CCDC91: variants seen among roughly 807,000 people sequenced by gnomAD.
The protein encoded by CCDC91 is coiled-coil domain-containing protein 91.
Under a neutral mutation model 63.2 loss-of-function variants are expected in CCDC91, and 48 were observed. The ratio of observed to expected loss-of-function variants is 0.76; its 90% confidence interval spans 0.60 to 0.97. CCDC91 has a LOEUF of 0.97. Ranked by LOEUF, CCDC91 falls within the 50% of genes least tolerant of loss-of-function variation. CCDC91 has a pLI of 0.00. For synonymous variants in CCDC91, 167 were observed against 165.8 expected (o/e 1.01, Z -0.06); for missense variants, 500 against 494.6 (o/e 1.01, Z -0.10).
Position 28,245,910 on chromosome 12 carries a change from G to A in CCDC91, c.-14-11292G>A, listed in dbSNP as rs150217074. On this transcript the variant is annotated intron_variant, in intron 1 of 12. Coordinates refer to ENST00000536442, the MANE Select transcript of CCDC91 (RefSeq NM_018318.5). The stretch of plus-strand genomic sequence containing the variant: ...TACAACCCAATTATTTTACTCATAG[G>A]CATATACTCAAGGGAAGTTCTGTGT... 7.6e-4 allele frequency among the ~76,000 whole-genome samples: 115 copies of A among 152,164 alleles called. 1 individual carries two copies. The East Asian group carries it at 0.015, about 20-fold the overall frequency.
At chr12:28,224,953 C>T (rs1944178294) in intron 1 of CCDC91, among the ~76,000 whole-genome samples, 1 of 152,060 alleles carries the variant, frequency 6.6e-6, no homozygotes, top group Admixed American at 6.5e-5. Flanking sequence ...GATCATCTCT[C>T]CTAACTTACT....
intron 8 of CCDC91, among the ~76,000 whole-genome samples, chr12:28,399,994 C>T (rs567488997): frequency 2.0e-5 from 3 of 152,334 alleles, no homozygotes; most frequent in South Asian, 2.1e-4. Flanking sequence ...TAGCCCTCTT[C>T]TCACAGTTCT....
chr12:28,519,494 TCA>T (rs1343983068), intron 12 of CCDC91, among the ~76,000 whole-genome samples: 1 of 152,016 alleles, frequency 6.6e-6, no homozygotes, highest in Non-Finnish European at 1.5e-5. Flanking sequence ...AAACAGGTCA[TCA>T]GCAAACAGTG....
rs1940124591 is a variant in CCDC91, at chr12:28,318,367, A to G, written c.576+10618A>G. Among the ~76,000 whole-genome samples the G allele has an allele frequency of 2.0e-5, 3 of 151,570 alleles. No individual in the cohort carries two copies. The South Asian group carries it at 6.2e-4, about 32-fold the overall frequency. ...GTGAGACCCCATTTCTCAAGAAAAAAAAAAAGAAACCAAAAAACGAAATTA... is the reference window on the plus strand; with the variant it reads ...GTGAGACCCCATTTCTCAAGAAAAAGAAAAAGAAACCAAAAAACGAAATTA... On this transcript the variant is annotated intron_variant, in intron 6 of 12. Coordinates refer to ENST00000536442, the MANE Select transcript of CCDC91 (RefSeq NM_018318.5).
intron 6 of CCDC91, among the ~76,000 whole-genome samples, chr12:28,308,294 C>T (rs1938958141): frequency 6.6e-6 from 1 of 151,992 alleles, no homozygotes; most frequent in African/African-American, 2.4e-5. Flanking sequence ...AGGTTTCAAC[C>T]ATTTATCATC....
intron 12 of CCDC91, among the ~76,000 whole-genome samples, chr12:28,509,182 C>G (rs1939091766): frequency 6.6e-6 from 1 of 151,894 alleles, no homozygotes; most frequent in Admixed American, 6.6e-5. Context: ...GAGAATGTTC[C>G]CATATCAATA....
Position 28,362,441 on chromosome 12 carries a change from A to C in CCDC91, c.580A>C (p.Lys194Gln), listed in dbSNP as rs761355361. ...TTTAGTTTCTTTTTTCTTTCAGGAA[A>C]AACATAAACAAGAATTGGAAGACAT... ...FQDRYKELQE[K>Q]HKQELEDMRK... The change falls in exon 7 of 13, where the codon AAA becomes CAA. Residue 194 changes from lysine (K) to glutamine (Q), a missense_variant. Transcript: ENST00000536442. The C allele has an allele frequency of 5.7e-6, 9 of 1,572,598 alleles. No homozygotes were observed. The highest frequency in any genetic ancestry group is 1.9e-5 in the Admixed American group (1 of 53,374).
chr12:28,290,202 G>A (rs754743370), intron 3 of CCDC91, among the ~76,000 whole-genome samples: 30 of 152,040 alleles, frequency 2.0e-4, no homozygotes, highest in African/African-American at 2.4e-4. Flanking sequence ...TGTGTTGGTC[G>A]CATATACATT....
chr12:28,503,967 G>A (rs1407777705), intron 12 of CCDC91, among the ~76,000 whole-genome samples: 2 of 151,892 alleles, frequency 1.3e-5, no homozygotes, highest in East Asian at 1.9e-4. Flanking sequence ...GATAGCATTC[G>A]GAGATATACC....
intron 12 of CCDC91, among the ~76,000 whole-genome samples, chr12:28,520,004 C>G (rs577808140): frequency 1.3e-5 from 2 of 151,954 alleles, no homozygotes; most frequent in Non-Finnish European, 2.9e-5. Context: ...CCAAGTCTTT[C>G]CTATTGTGAA....
At chr12:28,332,371 A>G (rs1205042703) in intron 6 of CCDC91, among the ~76,000 whole-genome samples, 1 of 152,200 alleles carries the variant, frequency 6.6e-6, no homozygotes, top group Non-Finnish European at 1.5e-5. Context: ...TAAGGAAGAT[A>G]TTGAAAATCC....
chr12:28,200,984 G>A (rs1942216896), intron 1 of CCDC91, among the ~76,000 whole-genome samples: 3 of 138,216 alleles, frequency 2.2e-5, no homozygotes, highest in Admixed American at 6.8e-5. Context: ...CGGACGGGGC[G>A]GCTGGCCGGG....
At chr12:28,513,577 C>G (rs1468992329) in intron 12 of CCDC91, among the ~76,000 whole-genome samples, 1 of 151,838 alleles carries the variant, frequency 6.6e-6, no homozygotes, top group Non-Finnish European at 1.5e-5. Flanking sequence ...CACTTCTGGT[C>G]CCAAGAGGGA....
chr12:28,278,222 T>C (rs1204210453), intron 3 of CCDC91, among the ~76,000 whole-genome samples: 1 of 152,048 alleles, frequency 6.6e-6, no homozygotes, highest in Admixed American at 6.6e-5. Flanking sequence ...CTCTTTTTCA[T>C]TGTCAGTCAT....
At chr12:28,333,158 G>A (rs1180928453) in intron 6 of CCDC91, among the ~76,000 whole-genome samples, 1 of 151,958 alleles carries the variant, frequency 6.6e-6, no homozygotes, top group Admixed American at 6.6e-5. Flanking sequence ...CACTTTGGGA[G>A]GCTGAGGCAT....
intron 12 of CCDC91, among the ~76,000 whole-genome samples, chr12:28,531,415 T>C (rs2141623748): frequency 6.6e-6 from 1 of 152,276 alleles, no homozygotes; most frequent in Middle Eastern, 3.4e-3. Flanking sequence ...TAATTTTGTT[T>C]TCCCCTATTC....
chr12:28,296,543 AG>A (rs1399683170), intron 3 of CCDC91, among the ~76,000 whole-genome samples: 1 of 151,852 alleles, frequency 6.6e-6, no homozygotes, highest in Non-Finnish European at 1.5e-5. Context: ...GCCTTTTAAA[AG>A]CTATTATATA....
chr12:28,448,407 A>G (rs532999783), intron 8 of CCDC91, among the ~76,000 whole-genome samples: 7 of 152,298 alleles, frequency 4.6e-5, no homozygotes, highest in African/African-American at 1.7e-4. Context: ...TATTTTATGT[A>G]GGATGCTTCT....
At chr12:28,362,181 C>A (rs1351728165) in intron 6 of CCDC91, among the ~76,000 whole-genome samples, 4 of 151,732 alleles carry the variant, frequency 2.6e-5, no homozygotes, top group Non-Finnish European at 2.9e-5. Context: ...AGTACCTTTG[C>A]CTTGTGTTAT....
Sources: allele counts gnomAD v4.1 joint callset (sites outside exome capture counted in the v4.1 genomes callset), GRCh38; gene constraint gnomAD v4.1.1; transcripts MANE v1.5; gene names NCBI Gene and HGNC (gene_info 2026-07-23, HGNC 2026-07-21).